The following CDH20 variants were observed in gnomAD, a reference collection of about 807,000 sequenced individuals.
CDH20 encodes the protein cadherin 20.
In CDH20, 29 loss-of-function variants were observed where a neutral mutation model predicts 74.2. The ratio of observed to expected loss-of-function variants is 0.39; its 90% confidence interval spans 0.29 to 0.53. The LOEUF is 0.53. Among genes scored for constraint, CDH20 ranks in the 20% least tolerant of loss-of-function variants. The pLI is 0.69. For missense variants in CDH20, 988 were observed against 1,048.3 expected (o/e 0.94, Z 0.79); for synonymous variants, 469 against 405.4 (o/e 1.16, Z -1.88).
intron 1 of CDH20, among the ~76,000 whole-genome samples, chr18:61,344,576 G>T (rs935224327): frequency 6.6e-6 from 1 of 152,052 alleles, no homozygotes; most frequent in African/African-American, 2.4e-5. Context: ...AATAAAATAC[G>T]TCATTTTAAA....
At chr18:61,362,039 G>C (rs1159535347) in intron 1 of CDH20, among the ~76,000 whole-genome samples, 1 of 152,116 alleles carries the variant, frequency 6.6e-6, no homozygotes, top group African/African-American at 2.4e-5. Context: ...GGGAGGGTGA[G>C]TGAATCACCC....
chr18:61,499,673 G>C (rs536688436), intron 3 of CDH20, among the ~76,000 whole-genome samples, 193 bp downstream of exon 3: 1 of 152,288 alleles, frequency 6.6e-6, no homozygotes, highest in Non-Finnish European at 1.5e-5. Flanking sequence ...AAGCTATATA[G>C]ACATTGGAAT....
intron 1 of CDH20, among the ~76,000 whole-genome samples, chr18:61,426,341 C>T (rs565470483): frequency 5.9e-5 from 9 of 151,996 alleles, no homozygotes; most frequent in East Asian, 3.9e-4. Flanking sequence ...AAATATAATA[C>T]GGTGTACAAG....
chr18:61,368,916 C>T (rs958741948), intron 1 of CDH20, among the ~76,000 whole-genome samples: 4 of 150,624 alleles, frequency 2.7e-5, no homozygotes, highest in African/African-American at 9.8e-5. Flanking sequence ...ATCATGCTTT[C>T]CCATTCTACT....
chr18:61,347,646 T>C (rs1362548417), intron 1 of CDH20, among the ~76,000 whole-genome samples: 1 of 152,108 alleles, frequency 6.6e-6, no homozygotes, highest in African/African-American at 2.4e-5. Context: ...TTGTTTCAAA[T>C]TCTATGCACA....
intron 1 of CDH20, among the ~76,000 whole-genome samples, chr18:61,378,690 T>A (rs1911330891): frequency 6.6e-6 from 1 of 152,252 alleles, no homozygotes; most frequent in Non-Finnish European, 1.5e-5. Flanking sequence ...CCATTACGAC[T>A]GGTGACTATT....
intron 1 of CDH20, among the ~76,000 whole-genome samples, chr18:61,343,251 T>C (rs1184729630): frequency 6.6e-6 from 1 of 152,234 alleles, no homozygotes; most frequent in Non-Finnish European, 1.5e-5. Flanking sequence ...TTGCAATGTA[T>C]TACATTTTGC....
At chr18:61,413,286 A>G (rs879420967) in intron 1 of CDH20, among the ~76,000 whole-genome samples, 7 of 152,296 alleles carry the variant, frequency 4.6e-5, no homozygotes, top group African/African-American at 1.4e-4. Flanking sequence ...TAGGGGTTTT[A>G]GAAAATAGCA....
intron 1 of CDH20, among the ~76,000 whole-genome samples, chr18:61,411,483 T>C (rs984380415): frequency 4.6e-5 from 7 of 152,032 alleles, no homozygotes; most frequent in African/African-American, 1.7e-4. Flanking sequence ...AATTCGCAAT[T>C]GCAAAAACGT....
intron 1 of CDH20, among the ~76,000 whole-genome samples, chr18:61,488,295 T>C (rs979725892): frequency 3.3e-5 from 5 of 152,178 alleles, no homozygotes; most frequent in Non-Finnish European, 7.3e-5. Context: ...TGTAGAGATC[T>C]GAAAAATAAC....
In CDH20 at chr18:61,476,126, G is replaced by A. The variant is rs868153233; in HGVS notation, c.-152-14276G>A. ...TCTTCTGGAGTCTCGCCACATCCCC[G>A]TTAAGATGCGTGTGGACTTTCAGTG... On this transcript the variant is annotated intron_variant, in intron 1 of 11. Coordinates refer to ENST00000262717, the MANE Select transcript of CDH20 (RefSeq NM_031891.4). Among the ~76,000 whole-genome samples the A allele has an allele frequency of 3.6e-4, 55 of 152,028 alleles. 1 individual carries two copies. Among genetic ancestry groups the A allele is most frequent in the South Asian group, 4.2e-4 (2 of 4,806 alleles).
rs577130043 is a variant in CDH20 at position 61,515,464 on chromosome 18, C to T, written c.1017+7904C>T. ...AAATGCAGAAATCACCCGTCTTCTG[C>T]GTTGCTCACGCTGGGAGCTGTAGAC... On this transcript the variant is annotated intron_variant, in intron 6 of 11. Coordinates refer to ENST00000262717, the MANE Select transcript of CDH20 (RefSeq NM_031891.4). Among the ~76,000 whole-genome samples the T allele has an allele frequency of 1.7e-3, 266 of 152,038 alleles. 2 individuals are homozygous for T. Among genetic ancestry groups the T allele is most frequent in the Non-Finnish European group, 1.8e-3 (119 of 67,978 alleles).
intron 9 of CDH20, among the ~76,000 whole-genome samples, chr18:61,542,125 T>C (rs962840451): frequency 8.5e-5 from 13 of 152,234 alleles, no homozygotes; most frequent in African/African-American, 2.9e-4. Context: ...GAATCACCTA[T>C]GTGTAACATG....
In CDH20 at chr18:61,403,490, C is replaced by G. The variant is rs146766045; in HGVS notation, c.-153+69663C>G. 4.0e-3 allele frequency among the ~76,000 whole-genome samples: 607 copies of G among 152,310 alleles called. 2 individuals carry two copies. Among genetic ancestry groups the G allele is most frequent in the African/African-American group, 0.014 (572 of 41,570 alleles). ...ATATTAGGACTTTTGTCTTAACCAG[C>G]CTTCTATGTTAGATCAGGCTGATAA... On this transcript the variant is annotated intron_variant, in intron 1 of 11. Transcript: ENST00000262717.
intron 1 of CDH20, among the ~76,000 whole-genome samples, chr18:61,347,287 AATAT>A (rs758677743): frequency 0.018 from 1,538 of 86,434 alleles, 27 homozygotes; most frequent in East Asian, 0.028. Context: ...TGTCTCTGCT[AATAT>A]ATATATATAT....
At chr18:61,490,181 C>T (rs375405064) in intron 1 of CDH20, among the ~76,000 whole-genome samples, 2 of 151,968 alleles carry the variant, frequency 1.3e-5, no homozygotes, top group Non-Finnish European at 1.5e-5. Context: ...TTATTCCCAC[C>T]GAATCTATAT....
intron 1 of CDH20, among the ~76,000 whole-genome samples, chr18:61,486,105 T>G (rs1910754890): frequency 6.6e-6 from 1 of 152,088 alleles, no homozygotes. Flanking sequence ...ACAAACCCAT[T>G]TTACTTAGGA....
chr18:61,338,559 T>A (rs1217972040), intron 1 of CDH20, among the ~76,000 whole-genome samples: 1 of 152,192 alleles, frequency 6.6e-6, no homozygotes, highest in Non-Finnish European at 1.5e-5. Context: ...AGAGAGGTTA[T>A]CTGGCCTACA....
In CDH20 at chr18:61,554,685, C is replaced by T; in HGVS notation, c.2396C>T (p.Pro799Leu). 1.9e-6 allele frequency: 3 copies of T among 1,567,258 alleles called. No individual in the cohort carries two copies. The highest frequency in any genetic ancestry group is 2.6e-6 in the Non-Finnish European group (3 of 1,155,350). Residue 799 changes from proline (P) to leucine (L), a missense_variant, in exon 12 of 12, where the codon CCG becomes CTG. Coordinates refer to ENST00000262717, the MANE Select transcript of CDH20 (RefSeq NM_031891.4). ...TACGGGGCGTCGGAGGGACCCGCGC[C>T]GCTGTGGTGACGGAAGCCAGGAGGC... ...ELYGASEGPA[P>L]LW
Sources: allele counts gnomAD v4.1 joint callset (sites outside exome capture counted in the v4.1 genomes callset), GRCh38; gene constraint gnomAD v4.1.1; transcripts MANE v1.5; gene names NCBI Gene and HGNC (gene_info 2026-07-23, HGNC 2026-07-21).